The following AFF3 variants were observed in gnomAD, a reference collection of about 807,000 sequenced individuals.
The protein encoded by AFF3 is ALF transcription elongation factor 3.
In AFF3, 32 loss-of-function variants were observed where a neutral mutation model predicts 129.7. That is an observed-to-expected ratio of 0.25 (90% CI 0.19 to 0.33). The LOEUF (loss-of-function observed/expected upper bound fraction) is 0.33, where lower values mean the gene tolerates loss of function less well. AFF3 is among the 10% of genes least tolerant of loss of function. The pLI, the probability that AFF3 is intolerant of heterozygous loss-of-function variation, is 1.00. For missense variants in AFF3, 1,373 were observed against 1,592.0 expected, an observed-to-expected ratio of 0.86 and a Z score of 2.34; for synonymous variants, 644 against 635.4, an observed-to-expected ratio of 1.01 and a Z score of -0.20.
intron 14 of AFF3, among the ~76,000 whole-genome samples, chr2:99,598,691 C>A (rs1679526938): frequency 6.6e-6 from 1 of 152,192 alleles, no homozygotes; most frequent in African/African-American, 2.4e-5. Context: ...CTGGTCTGAG[C>A]AGCGGAATGT....
At chr2:99,559,029 T>C in intron 21 of AFF3, 61 bp from the exon 22 acceptor site, 1 of 1,483,744 alleles carries the variant, frequency 6.7e-7, no homozygotes, top group Non-Finnish European at 9.4e-7. Flanking sequence ...CAAACAAGAC[T>C]TAAACATTTT....
chr2:100,009,314 A>G (rs1024988967), intron 4 of AFF3, among the ~76,000 whole-genome samples: 1 of 150,978 alleles, frequency 6.6e-6, no homozygotes, highest in East Asian at 1.9e-4. Flanking sequence ...GTTATATGGG[A>G]ATGCTCCTGT....
chr2:99,745,107 A>G (rs1320415691), intron 9 of AFF3, among the ~76,000 whole-genome samples: 1 of 152,160 alleles, frequency 6.6e-6, no homozygotes, highest in African/African-American at 2.4e-5. Flanking sequence ...TGCAGTTTTG[A>G]TTTGTATTTC....
chr2:99,610,586 C>G (rs888106292), intron 13 of AFF3, among the ~76,000 whole-genome samples: 1 of 152,126 alleles, frequency 6.6e-6, no homozygotes, highest in South Asian at 2.1e-4. Flanking sequence ...ACCATTCACC[C>G]AATGAGGGAC....
intron 7 of AFF3, among the ~76,000 whole-genome samples, chr2:99,988,135 TGATA>T (rs1432474413): frequency 2.0e-5 from 3 of 151,878 alleles, no homozygotes; most frequent in Non-Finnish European, 2.9e-5. Context: ...GGATGAAGGA[TGATA>T]GATAGATGGT....
intron 7 of AFF3, among the ~76,000 whole-genome samples, chr2:99,947,597 AAG>A: frequency 7.1e-6 from 1 of 140,904 alleles, no homozygotes; most frequent in Middle Eastern, 3.4e-3. Context: ...GAAAGAAAGA[AAG>A]AAAGATAGAT....
At chr2:99,975,754 CTTT>C (rs35224838) in intron 7 of AFF3, among the ~76,000 whole-genome samples, 2 of 103,890 alleles carry the variant, frequency 1.9e-5, no homozygotes, top group Non-Finnish European at 1.9e-5. Context: ...TTTCCCTCCA[CTTT>C]TTTTTTTTTT....
chr2:100,064,801 C>A (rs1687586713), intron 4 of AFF3, among the ~76,000 whole-genome samples: 1 of 152,164 alleles, frequency 6.6e-6, no homozygotes, highest in African/African-American at 2.4e-5. Context: ...TATTAACTGC[C>A]AACTCATTGT....
chr2:99,618,303 T>A (rs1281593456), intron 13 of AFF3, among the ~76,000 whole-genome samples: 2 of 145,286 alleles, frequency 1.4e-5, no homozygotes, highest in Non-Finnish European at 3.0e-5. Context: ...TGGCGCTATC[T>A]TGGCTCACTG....
chr2:99,813,420 A>G lies in AFF3; in HGVS notation c.921+24057T>C, dbSNP rs1232103647. On this transcript the variant is annotated intron_variant, in intron 8 of 24. Transcript: ENST00000672756. ...GTCTAGGATAAGAAACATTTACTAAATTAAAAGAGGACTAGGTCTTAATAA... is the reference window on the plus strand; with the variant it reads ...GTCTAGGATAAGAAACATTTACTAAGTTAAAAGAGGACTAGGTCTTAATAA... 3.3e-5 allele frequency among the ~76,000 whole-genome samples: 5 copies of G among 152,340 alleles called. No homozygotes were observed. The East Asian group carries it at 7.7e-4, about 23-fold the overall frequency.
At chr2:100,025,526 C>A (rs971596698) in intron 4 of AFF3, among the ~76,000 whole-genome samples, 1 of 152,130 alleles carries the variant, frequency 6.6e-6, no homozygotes, top group Non-Finnish European at 1.5e-5. Context: ...CACCATCATT[C>A]TTCACAGAAT....
intron 21 of AFF3, among the ~76,000 whole-genome samples, chr2:99,559,559 T>C (rs1248179941): frequency 6.6e-6 from 1 of 152,282 alleles, no homozygotes; most frequent in East Asian, 1.9e-4. Flanking sequence ...TTCTATCTTA[T>C]ATAATCATAT....
rs549442636 is a variant in AFF3 at position 99,811,461 on chromosome 2, C to T, written c.921+26016G>A. On this transcript the variant is annotated intron_variant, in intron 8 of 24. Coordinates refer to ENST00000672756, the MANE Select transcript of AFF3 (RefSeq NM_001386135.1). ...AGGACAGAAAACAGCATATTCAAACCGAGGCATGTGGGTTTCTGGTCTGGT... is the reference window on the plus strand; with the variant it reads ...AGGACAGAAAACAGCATATTCAAACTGAGGCATGTGGGTTTCTGGTCTGGT... Among the ~76,000 whole-genome samples, 18 of 151,992 alleles carry T rather than the reference C, an allele frequency of 1.2e-4. No homozygotes were observed. In the East Asian group the frequency reaches 1.7e-3, roughly 15 times the overall value.
chr2:99,713,781 C>T (rs1678130286), intron 11 of AFF3, among the ~76,000 whole-genome samples: 1 of 151,642 alleles, frequency 6.6e-6, no homozygotes, highest in South Asian at 2.1e-4. Context: ...TCACTGCAGC[C>T]TCTACCTCCC....
chr2:99,598,907 C>T (rs1028960906), intron 14 of AFF3, among the ~76,000 whole-genome samples: 1 of 152,248 alleles, frequency 6.6e-6, no homozygotes, highest in African/African-American at 2.4e-5. Context: ...TCTGTATTAT[C>T]CTTAGGAAAA....
At chr2:100,011,353 T>A in intron 4 of AFF3, 1 of 721,298 alleles carries the variant, frequency 1.4e-6, no homozygotes. Context: ...ACACACATGC[T>A]TGCTGCCCTC....
At chr2:99,765,654 A>G (rs1682950162) in intron 8 of AFF3, among the ~76,000 whole-genome samples, 1 of 152,226 alleles carries the variant, frequency 6.6e-6, no homozygotes, top group Admixed American at 6.5e-5. Flanking sequence ...CATAAAAAAT[A>G]ATTATTGCTG....
At chr2:99,855,722 C>T (rs975282922) in intron 7 of AFF3, among the ~76,000 whole-genome samples, 1 of 152,082 alleles carries the variant, frequency 6.6e-6, no homozygotes, top group Non-Finnish European at 1.5e-5. Context: ...GAAGGTGGAG[C>T]GTAACTCCCC....
At chr2:99,783,483 T>C (rs762675488) in intron 8 of AFF3, among the ~76,000 whole-genome samples, 1 of 152,174 alleles carries the variant, frequency 6.6e-6, no homozygotes, top group Non-Finnish European at 1.5e-5. Flanking sequence ...CTGGCCTCTC[T>C]CACGAGAGAA....
Sources: gnomAD v4.1 joint callset for allele counts (sites outside exome capture counted in the v4.1 genomes callset) on GRCh38, gnomAD v4.1.1 for gene constraint, MANE v1.5 for transcripts, NCBI Gene and HGNC (gene_info 2026-07-23, HGNC 2026-07-21) for gene names.